The following CSMD2 variants were observed in gnomAD, a reference collection of about 807,000 sequenced individuals.
The protein encoded by CSMD2 is CUB and Sushi multiple domains 2.
In CSMD2, 130 loss-of-function variants were observed where a neutral mutation model predicts 398.5. The observed-to-expected ratio is 0.33, with a 90% CI of 0.28 to 0.38. The LOEUF is 0.38. Among genes scored for constraint, CSMD2 ranks in the 10% least tolerant of loss-of-function variants. The probability of loss-of-function intolerance (pLI) is 1.00; values close to 1 mark genes in which losing one functional copy is unlikely to be tolerated. For missense variants in CSMD2, 3,829 were observed against 4,764.9 expected, an observed-to-expected ratio of 0.80 and a Z score of 5.78; for synonymous variants, 1,828 against 1,908.5, an observed-to-expected ratio of 0.96 and a Z score of 1.10.
At chr1:33,937,039 A>C (rs891501370) in intron 3 of CSMD2, among the ~76,000 whole-genome samples, 1 of 152,208 alleles carries the variant, frequency 6.6e-6, no homozygotes, top group Non-Finnish European at 1.5e-5. Context: ...TAAGTCTTTT[A>C]ACCTTTTTGC....
chr1:33,545,841 G>A (rs1056728604), intron 57 of CSMD2, among the ~76,000 whole-genome samples, 196 bp downstream of exon 57: 13 of 152,190 alleles, frequency 8.5e-5, no homozygotes, highest in African/African-American at 3.1e-4. Context: ...TGAGGTGAGA[G>A]TGGGAATATG....
chr1:34,131,497 G>A (rs1663345447), intron 1 of CSMD2, among the ~76,000 whole-genome samples: 1 of 152,252 alleles, frequency 6.6e-6, no homozygotes, highest in South Asian at 2.1e-4. Flanking sequence ...CTTGGCCCTG[G>A]TGTCATATCA....
intron 39 of CSMD2, among the ~76,000 whole-genome samples, chr1:33,615,452 C>G (rs545165365): frequency 6.6e-6 from 1 of 152,326 alleles, no homozygotes; most frequent in Admixed American, 6.5e-5. Context: ...GCTTGGCAAA[C>G]AGACCCGAAA....
chr1:33,960,546 C>T lies in CSMD2; in HGVS notation c.518-24592G>A, dbSNP rs927692121. On this transcript the variant is annotated intron_variant, in intron 3 of 70. Coordinates refer to ENST00000373381, the MANE Select transcript of CSMD2 (RefSeq NM_001281956.2). ...AGACATAGGTCCTGCCTTCAAGGGG[C>T]TCATGGTGTTGTGGGGGAGACAGAT... is the stretch of plus-strand genomic sequence containing the variant. Among the ~76,000 whole-genome samples the T allele has an allele frequency of 2.0e-5, 3 of 152,172 alleles. No homozygotes were observed. The South Asian group carries it at 6.2e-4, about 32-fold the overall frequency.
intron 5 of CSMD2, among the ~76,000 whole-genome samples, chr1:33,898,004 T>C (rs1389051278): frequency 6.6e-6 from 1 of 152,190 alleles, no homozygotes; most frequent in Non-Finnish European, 1.5e-5. Context: ...CTTTGTAATA[T>C]TGCCCCAATT....
At chr1:33,851,841 T>C (rs1638731578) in intron 5 of CSMD2, among the ~76,000 whole-genome samples, 1 of 152,324 alleles carries the variant, frequency 6.6e-6, no homozygotes, top group East Asian at 1.9e-4. Context: ...ACTGAGTGAA[T>C]GCCTGGGACA....
intron 6 of CSMD2, among the ~76,000 whole-genome samples, chr1:33,843,172 C>T (rs543310768): frequency 6.6e-6 from 1 of 152,300 alleles, no homozygotes; most frequent in South Asian, 2.1e-4. Flanking sequence ...GGCCTAGGCG[C>T]ATTCATCTTT....
intron 1 of CSMD2, among the ~76,000 whole-genome samples, chr1:34,150,769 A>C (rs1045933889): frequency 1.3e-5 from 2 of 152,094 alleles, no homozygotes; most frequent in Non-Finnish European, 2.9e-5. Flanking sequence ...TTAGAAAAAA[A>C]AATAGCCAAG....
intron 36 of CSMD2, 77 bp downstream of exon 36, chr1:33,623,293 T>A: frequency 1.1e-6 from 1 of 941,380 alleles, no homozygotes; most frequent in Non-Finnish European, 1.7e-6. Flanking sequence ...TCAATAATAA[T>A]AATGATAATA....
chr1:33,793,625 T>C (rs1321759363), intron 10 of CSMD2, among the ~76,000 whole-genome samples: 1 of 152,044 alleles, frequency 6.6e-6, no homozygotes, highest in Non-Finnish European at 1.5e-5. Flanking sequence ...TTTTAAATAG[T>C]GGGTGACAGG....
chr1:33,929,081 C>A (rs7555410), intron 4 of CSMD2, among the ~76,000 whole-genome samples: 24,383 of 152,062 alleles, frequency 0.16, 2,187 homozygotes, highest in African/African-American at 0.24. Flanking sequence ...TCATCTCCAT[C>A]TTGGTCATTG....
chr1:33,980,648 A>G (rs1646132945), intron 3 of CSMD2, among the ~76,000 whole-genome samples: 1 of 152,064 alleles, frequency 6.6e-6, no homozygotes, highest in African/African-American at 2.4e-5. Context: ...TCCATCTCAT[A>G]TTTATGAGCA....
At chr1:33,978,478 T>C (rs958888890) in intron 3 of CSMD2, among the ~76,000 whole-genome samples, 2 of 152,202 alleles carry the variant, frequency 1.3e-5, no homozygotes, top group Admixed American at 1.3e-4. Context: ...ATGAGCTGTA[T>C]AGACAGCCGT....
At chr1:34,135,368 C>A (rs1452500490) in intron 1 of CSMD2, among the ~76,000 whole-genome samples, 1 of 151,782 alleles carries the variant, frequency 6.6e-6, no homozygotes, top group Non-Finnish European at 1.5e-5. Flanking sequence ...CTCCTGTAAT[C>A]CCAGCACTTT....
chr1:33,857,070 A>G lies in CSMD2; in HGVS notation c.921-10074T>C, dbSNP rs1639151868. Reference sequence around the variant, plus strand: ...AGAGACTTAGCACGCAGGCCCTAGAAGAAGACTGCCTGGGTTCAAGTATCA... The same window carrying G: ...AGAGACTTAGCACGCAGGCCCTAGAGGAAGACTGCCTGGGTTCAAGTATCA... On this transcript the variant is annotated intron_variant, in intron 5 of 70. Coordinates refer to ENST00000373381, the MANE Select transcript of CSMD2 (RefSeq NM_001281956.2). Among the ~76,000 whole-genome samples, 3 of 152,112 alleles carry G rather than the reference A, an allele frequency of 2.0e-5. No individual in the cohort carries two copies. The South Asian group carries it at 6.2e-4, about 32-fold the overall frequency.
Position 33,756,821 on chromosome 1 carries a change from G to A in CSMD2, c.1847-13215C>T, listed in dbSNP as rs568059857. Among the ~76,000 whole-genome samples, 213 of 152,258 alleles carry A rather than the reference G, an allele frequency of 1.4e-3. 1 individual carries two copies. The highest frequency in any genetic ancestry group is 3.4e-3 in the Middle Eastern group (1 of 294). On this transcript the variant is annotated intron_variant, in intron 13 of 70. Transcript: ENST00000373381. ...CCCATTACTGGGTATATACCCAAAG[G>A]ATTATAAATCATGCTGCTATAAAGA...
intron 62 of CSMD2, among the ~76,000 whole-genome samples, chr1:33,535,142 T>C (rs904889984): frequency 3.9e-5 from 6 of 152,234 alleles, no homozygotes; most frequent in Admixed American, 2.6e-4. Flanking sequence ...AATTATGTGA[T>C]ATCCGACATA....
At chr1:34,165,685 T>G, upstream of CSMD2, 1 of 1,525,066 alleles carries the variant, frequency 6.6e-7, no homozygotes, top group South Asian at 1.1e-5. Context: ...GTTTGGAAAT[T>G]GGAATCCTGT....
At chr1:34,078,295 T>C (rs79655527) in intron 2 of CSMD2, among the ~76,000 whole-genome samples, 2,854 of 152,102 alleles carry the variant, frequency 0.019, 51 homozygotes, top group East Asian at 0.053. Context: ...ACGTACACAT[T>C]ACATACATAC....
Sources: gnomAD v4.1 joint callset for allele counts (sites outside exome capture counted in the v4.1 genomes callset) on GRCh38, gnomAD v4.1.1 for gene constraint, MANE v1.5 for transcripts, NCBI Gene and HGNC (gene_info 2026-07-23, HGNC 2026-07-21) for gene names.